DPY19L3: variants seen among roughly 807,000 people sequenced by gnomAD.
DPY19L3 encodes protein C-mannosyl-transferase DPY19L3.
In DPY19L3, 51 loss-of-function variants were observed where a neutral mutation model predicts 92.3. The observed-to-expected ratio is 0.55, with a 90% CI of 0.44 to 0.70. DPY19L3 has a LOEUF of 0.70. Ranked by LOEUF, DPY19L3 falls within the 30% of genes least tolerant of loss-of-function variation. The pLI, the probability that DPY19L3 is intolerant of heterozygous loss-of-function variation, is 0.00. For synonymous variants in DPY19L3, 309 were observed against 315.2 expected (o/e 0.98, Z 0.21); for missense variants, 706 against 855.9 (o/e 0.82, Z 2.18).
Position 32,477,617 on chromosome 19 carries a change from A to C in DPY19L3, c.1793A>C (p.His598Pro). The C allele has an allele frequency of 6.2e-7, 1 of 1,614,122 alleles. No individual in the cohort carries two copies. Among genetic ancestry groups the C allele is most frequent in the Non-Finnish European group, 8.5e-7 (1 of 1,180,014 alleles). Residue 598 changes from histidine (H) to proline (P), a missense_variant, in exon 17 of 19, where the codon CAC (histidine) becomes CCC (proline). By Grantham distance (77) the His-to-Pro change is moderately conservative. Coordinates refer to ENST00000392250, the MANE Select transcript of DPY19L3 (RefSeq NM_001172774.2). ...CTGRTLTNHP[H>P]YEDSSLRERT... ...GGAAGGACCCTAACCAACCACCCGC[A>C]CTATGAAGACAGCAGCCTGAGAGAG... is the stretch of plus-strand genomic sequence containing the variant.
intron 10 of DPY19L3, among the ~76,000 whole-genome samples, chr19:32,456,273 C>G (rs954043076): frequency 3.9e-5 from 6 of 152,030 alleles, no homozygotes; most frequent in Non-Finnish European, 7.4e-5. Context: ...CAAGGTTTTG[C>G]TGTGTTGCCC....
chr19:32,407,002 CTTTTTTTT>C (rs11428433), intron 1 of DPY19L3, among the ~76,000 whole-genome samples: 1 of 132,240 alleles, frequency 7.6e-6, no homozygotes, highest in East Asian at 2.2e-4. Flanking sequence ...TGGCTTCCTG[CTTTTTTTT>C]TTTTTTTTGG....
At chr19:32,429,778 A>ATGT (rs71176124) in intron 3 of DPY19L3, among the ~76,000 whole-genome samples, 21,008 of 152,014 alleles carry the variant, frequency 0.14, 1,868 homozygotes, top group East Asian at 0.45. Context: ...AATGTAATTA[A>ATGT]TGTTGTTGTT....
intron 8 of DPY19L3, among the ~76,000 whole-genome samples, chr19:32,441,123 A>G (rs1368700073): frequency 6.6e-6 from 1 of 152,184 alleles, no homozygotes; most frequent in Non-Finnish European, 1.5e-5. Context: ...CTAAAAATGT[A>G]TTTGCCTTTT....
chr19:32,410,965 C>G (rs970438239), intron 2 of DPY19L3, among the ~76,000 whole-genome samples: 1 of 152,118 alleles, frequency 6.6e-6, no homozygotes, highest in African/African-American at 2.4e-5. Flanking sequence ...GACAGAGGCC[C>G]TCAGTATTAA....
intron 18 of DPY19L3, chr19:32,480,865 C>G: frequency 2.1e-6 from 1 of 465,720 alleles, no homozygotes; most frequent in Non-Finnish European, 3.8e-6. Flanking sequence ...AAGGATTTTG[C>G]TGCTATAAAC....
intron 16 of DPY19L3, among the ~76,000 whole-genome samples, chr19:32,476,773 G>T (rs529094190): frequency 4.7e-4 from 71 of 152,168 alleles, no homozygotes; most frequent in Admixed American, 8.5e-4. Context: ...TCATAATCAG[G>T]ACCAAAGGTA....
chr19:32,425,244 T>A (rs928668720), intron 3 of DPY19L3, among the ~76,000 whole-genome samples: 7 of 152,170 alleles, frequency 4.6e-5, no homozygotes, highest in African/African-American at 1.7e-4. Flanking sequence ...AAATTAGACA[T>A]TTTTGTACTC....
At chr19:32,474,083 G>A (rs1008876150) in intron 16 of DPY19L3, among the ~76,000 whole-genome samples, 2 of 152,142 alleles carry the variant, frequency 1.3e-5, no homozygotes, top group East Asian at 1.9e-4. Flanking sequence ...GATTACAGGC[G>A]TGAGCCACTG....
chr19:32,477,984 A>T (rs1478955005), intron 17 of DPY19L3, among the ~76,000 whole-genome samples: 2 of 152,114 alleles, frequency 1.3e-5, no homozygotes, highest in African/African-American at 4.8e-5. Flanking sequence ...AAACCATCAG[A>T]TCTCATGAGA....
At chr19:32,435,321 A>G (rs1969103376) in intron 4 of DPY19L3, among the ~76,000 whole-genome samples, 1 of 152,168 alleles carries the variant, frequency 6.6e-6, no homozygotes, top group Admixed American at 6.5e-5. Context: ...TCAGCATACA[A>G]ATTTGTGGGG....
At chr19:32,477,470 T>C in intron 16 of DPY19L3, 52 bp from the exon 17 acceptor site, 3 of 1,605,770 alleles carry the variant, frequency 1.9e-6, no homozygotes, top group Non-Finnish European at 2.6e-6. Flanking sequence ...TTCTTTGTTG[T>C]CTTTAAGGAT....
At chr19:32,479,552 C>G (rs778347021) in intron 17 of DPY19L3, 1 of 402,980 alleles carries the variant, frequency 2.5e-6, no homozygotes, top group Non-Finnish European at 4.9e-6. Flanking sequence ...ACCTCCCTAC[C>G]ATTTCACCCA....
At chr19:32,439,077 T>C (rs371955608) in intron 6 of DPY19L3, 35 bp from the exon 7 acceptor site, 2 of 1,578,388 alleles carry the variant, frequency 1.3e-6, no homozygotes, top group Non-Finnish European at 8.6e-7. Context: ...TTGTAAAAAC[T>C]ATCACTTTGG....
chr19:32,478,659 G>T (rs1970584326), intron 17 of DPY19L3, among the ~76,000 whole-genome samples: 1 of 152,172 alleles, frequency 6.6e-6, no homozygotes, highest in African/African-American at 2.4e-5. Context: ...AGAAGAAGTG[G>T]CATTCTACAT....
At position 32,405,830 on chromosome 19, in the gene DPY19L3, T is replaced by G. The variant is rs1378844102; in HGVS notation, c.-117T>G. 6.6e-6 allele frequency: 1 copy of G among 152,068 alleles called. No individual in the cohort carries two copies. The highest frequency in any genetic ancestry group is 2.0e-4 in the East Asian group (1 of 5,112). 9.4% of individuals were successfully genotyped at this position (152,068 alleles called of 1,614,324 possible). On this transcript the variant is annotated 5_prime_UTR_variant, in exon 1 of 19. Coordinates refer to ENST00000392250, the MANE Select transcript of DPY19L3 (RefSeq NM_001172774.2). ...TGTACCCGCGGCGCGCTGCGGCCCGTGGCGCGGCCCCGTTCCCGCCTAGCC... is the reference window on the plus strand; with the variant it reads ...TGTACCCGCGGCGCGCTGCGGCCCGGGGCGCGGCCCCGTTCCCGCCTAGCC...
intron 1 of DPY19L3, among the ~76,000 whole-genome samples, chr19:32,407,406 G>C (rs1216516350): frequency 6.6e-6 from 1 of 152,132 alleles, no homozygotes; most frequent in Non-Finnish European, 1.5e-5. Context: ...TTAAAATTCA[G>C]GTACCTGAGA....
At chr19:32,455,951 T>G (rs952542646) in intron 10 of DPY19L3, among the ~76,000 whole-genome samples, 1 of 152,182 alleles carries the variant, frequency 6.6e-6, no homozygotes, top group Non-Finnish European at 1.5e-5. Context: ...AGAAGGTTGG[T>G]CTCAGGATAG....
chr19:32,426,070 T>C (rs1968751516), intron 3 of DPY19L3, among the ~76,000 whole-genome samples: 1 of 152,258 alleles, frequency 6.6e-6, no homozygotes, highest in African/African-American at 2.4e-5. Flanking sequence ...CTGGATCTTC[T>C]GGATGACTTG....
Sources: allele counts gnomAD v4.1 joint callset (sites outside exome capture counted in the v4.1 genomes callset), GRCh38; gene constraint gnomAD v4.1.1; transcripts MANE v1.5; gene names NCBI Gene and HGNC (gene_info 2026-07-23, HGNC 2026-07-21).